WDHD1: variants seen among roughly 807,000 people sequenced by gnomAD.
WDHD1 encodes the protein WD repeat and HMG-box DNA-binding protein 1.
A neutral mutation model predicts 135.4 loss-of-function variants in WDHD1; 111 were observed. The observed-to-expected ratio is 0.82, with a 90% CI of 0.70 to 0.96. The LOEUF (loss-of-function observed/expected upper bound fraction) is 0.96, where lower values mean the gene tolerates loss of function less well. Among genes scored for constraint, WDHD1 ranks in the 40% least tolerant of loss-of-function variants. WDHD1 has a pLI of 0.00. For synonymous variants in WDHD1, 434 were observed against 439.0 expected (o/e 0.99, Z 0.14); for missense variants, 1,351 against 1,336.3 (o/e 1.01, Z -0.17).
intron 6 of WDHD1, 93 bp from the exon 7 acceptor site, chr14:55,007,468 A>G (rs1241935727): frequency 4.4e-6 from 4 of 917,700 alleles, no homozygotes; most frequent in Non-Finnish European, 6.4e-6. Flanking sequence ...CTTCAAATCA[A>G]TATATATCTC....
At chr14:55,023,028 G>A (rs2042375754) in intron 2 of WDHD1, among the ~76,000 whole-genome samples, 1 of 151,924 alleles carries the variant, frequency 6.6e-6, no homozygotes, top group Admixed American at 6.5e-5. Flanking sequence ...GTTTCAACAC[G>A]TTGGGCATGC....
chr14:55,000,533 A>T lies in WDHD1; in HGVS notation c.912T>A (p.Cys304Ter). 6.2e-7 allele frequency: 1 copy of T among 1,605,666 alleles called. No homozygotes were observed. Among genetic ancestry groups the T allele is most frequent in the Non-Finnish European group, 8.5e-7 (1 of 1,175,624 alleles). Residue 304 changes from cysteine (C) to a stop codon, truncating the protein, a stop_gained, in exon 10 of 26, where the codon TGT becomes TGA. Coordinates refer to ENST00000360586, the MANE Select transcript of WDHD1 (RefSeq NM_007086.4). LOFTEE classifies it high-confidence loss of function. ...EGNLGLLENV[C>*]DPSGKTSSSK... ...TGCTTGATGTCTTTCCACTGGGGTC[A>T]CAAACATTCTCTAGAAGCCCTAGAT...
intron 21 of WDHD1, among the ~76,000 whole-genome samples, chr14:54,961,899 C>T (rs547252727): frequency 1.3e-4 from 19 of 151,556 alleles, no homozygotes; most frequent in Admixed American, 7.9e-4. Context: ...TGCAATGGCA[C>T]GATCTCGGCT....
chr14:54,995,036 A>G (rs1306383357), intron 11 of WDHD1, among the ~76,000 whole-genome samples: 2 of 152,138 alleles, frequency 1.3e-5, no homozygotes, highest in African/African-American at 4.8e-5. Context: ...GCTGGCATGC[A>G]GTTGACGCGA....
chr14:55,015,575 G>A (rs1189430265), intron 2 of WDHD1, among the ~76,000 whole-genome samples: 7 of 151,922 alleles, frequency 4.6e-5, no homozygotes, highest in Non-Finnish European at 1.0e-4. Context: ...AAATCCTTTC[G>A]GGGACAACAT....
At chr14:54,976,696 T>G (rs2041529801) in intron 16 of WDHD1, among the ~76,000 whole-genome samples, 1 of 152,128 alleles carries the variant, frequency 6.6e-6, no homozygotes, top group Non-Finnish European at 1.5e-5. Flanking sequence ...TGAGAAGTGT[T>G]GCTTCCAATC....
intron 6 of WDHD1, among the ~76,000 whole-genome samples, chr14:55,007,921 T>C (rs2042099401): frequency 6.6e-6 from 1 of 152,218 alleles, no homozygotes; most frequent in Admixed American, 6.5e-5. Flanking sequence ...CTTTAAAACC[T>C]TTATTAGGCT....
At chr14:55,005,081 AG>A (rs769111454) in intron 7 of WDHD1, 32 of 539,654 alleles carry the variant, frequency 5.9e-5, no homozygotes, top group Non-Finnish European at 1.1e-4. Flanking sequence ...CAATCTCCTC[AG>A]GAACACTGTA....
At chr14:55,013,194 C>CAAAAAAAAAAAAAAAAAAAAAAA (rs71448422) in intron 3 of WDHD1, among the ~76,000 whole-genome samples, 21 of 82,316 alleles carry the variant, frequency 2.6e-4, no homozygotes, top group African/African-American at 8.3e-4. Flanking sequence ...GATCCCGTTT[C>CAAAAAAAAAAAAAAAAAAAAAAA]AAAAAAAAAA....
chr14:55,020,029 C>A (rs2042319873), intron 2 of WDHD1, among the ~76,000 whole-genome samples: 2 of 152,146 alleles, frequency 1.3e-5, no homozygotes, highest in Non-Finnish European at 2.9e-5. Context: ...CTAATCTGAC[C>A]ACCTCTTCTT....
intron 24 of WDHD1, among the ~76,000 whole-genome samples, chr14:54,952,590 G>T (rs1295205846): frequency 6.6e-6 from 1 of 152,200 alleles, no homozygotes; most frequent in Non-Finnish European, 1.5e-5. Context: ...TAGATTCAAT[G>T]CCATCCCCAT....
At chr14:54,954,578 C>A (rs1288404046) in intron 24 of WDHD1, among the ~76,000 whole-genome samples, 3 of 152,090 alleles carry the variant, frequency 2.0e-5, no homozygotes, top group African/African-American at 7.2e-5. Flanking sequence ...GACCGGTAAC[C>A]ATCTTTTGTC....
intron 5 of WDHD1, 91 bp from the exon 6 acceptor site, chr14:55,008,457 T>C: frequency 6.7e-7 from 1 of 1,486,566 alleles, no homozygotes; most frequent in Non-Finnish European, 9.2e-7. Context: ...AGCCCTTTTA[T>C]CAACTGGGTG....
In WDHD1 at chr14:55,008,605, T is replaced by A. The variant is rs2042112080; in HGVS notation, c.453+3A>T. On this transcript the variant is annotated splice_donor_region_variant and intron_variant, in intron 5 of 25. Transcript: ENST00000360586. ...CACAAAAAGAGAAGGAAAAAATAAT[T>A]ACCAGAAAGATGTCCTTAGGATCAA... The A allele has an allele frequency of 6.3e-7, 1 of 1,582,132 alleles. No homozygotes were observed. The highest frequency in any genetic ancestry group is 8.5e-7 in the Non-Finnish European group (1 of 1,169,630).
In WDHD1 at chr14:54,998,945, T is replaced by C. The variant is rs2041935494; in HGVS notation, c.942+1558A>G. 2.0e-5 allele frequency among the ~76,000 whole-genome samples: 3 copies of C among 152,228 alleles called. No homozygotes were observed. In the South Asian group the frequency reaches 6.2e-4, roughly 31 times the overall value. On this transcript the variant is annotated intron_variant, in intron 10 of 25. Coordinates refer to ENST00000360586, the MANE Select transcript of WDHD1 (RefSeq NM_007086.4). The stretch of plus-strand genomic sequence containing the variant: ...TTCTAACTATACATAATTCACTTAA[T>C]CCTCCCAATAACCCCAAGTGGTTGG...
chr14:55,002,964 A>G (rs2041999991), intron 7 of WDHD1, among the ~76,000 whole-genome samples: 1 of 152,170 alleles, frequency 6.6e-6, no homozygotes, highest in Admixed American at 6.5e-5. Context: ...AGGAAAATAA[A>G]GACAGAATCC....
chr14:54,943,877 G>A (rs2040876925), intron 25 of WDHD1, among the ~76,000 whole-genome samples: 2 of 151,430 alleles, frequency 1.3e-5, no homozygotes, highest in Non-Finnish European at 2.9e-5. Flanking sequence ...TTGTGCCCAG[G>A]AGGTCGAGGT....
At chr14:54,998,084 G>T (rs146199445) in intron 10 of WDHD1, among the ~76,000 whole-genome samples, 2 of 150,916 alleles carry the variant, frequency 1.3e-5, no homozygotes, top group Non-Finnish European at 3.0e-5. Context: ...GTGGTGGTGG[G>T]TGCCTGTTAT....
Position 54,952,225 on chromosome 14 carries a change from T to C in WDHD1, c.3050+3336A>G, listed in dbSNP as rs138702761. On this transcript the variant is annotated intron_variant, in intron 24 of 25. Coordinates refer to ENST00000360586, the MANE Select transcript of WDHD1 (RefSeq NM_007086.4). ...TTGTACCTGTTTGCAGATGACATGA[T>C]TGTATATTTAGAAAACCCCGTCGTC... Among the ~76,000 whole-genome samples the C allele has an allele frequency of 4.6e-3, 698 of 152,302 alleles. 2 individuals carry two copies. Among genetic ancestry groups the C allele is most frequent in the African/African-American group, 0.01 (430 of 41,564 alleles).
Sources: gnomAD v4.1 joint callset for allele counts (sites outside exome capture counted in the v4.1 genomes callset) on GRCh38, gnomAD v4.1.1 for gene constraint, MANE v1.5 for transcripts, NCBI Gene and HGNC (gene_info 2026-07-23, HGNC 2026-07-21) for gene names.